The following SMG7 variants were observed in gnomAD, a reference collection of about 807,000 sequenced individuals.
SMG7 encodes SMG7 nonsense mediated mRNA decay factor.
In SMG7, 34 loss-of-function variants were observed where a neutral mutation model predicts 148.2. The observed-to-expected ratio is 0.23, with a 90% CI of 0.17 to 0.31. The LOEUF (loss-of-function observed/expected upper bound fraction) is 0.31, where lower values mean the gene tolerates loss of function less well. Ranked by LOEUF, SMG7 falls within the 10% of genes least tolerant of loss-of-function variation. The pLI is 1.00. For synonymous variants in SMG7, 492 were observed against 515.1 expected, an observed-to-expected ratio of 0.96 and a Z score of 0.61; for missense variants, 1,114 against 1,408.4, an observed-to-expected ratio of 0.79 and a Z score of 3.35.
At chr1:183,539,195 C>T (rs1056332364) in intron 12 of SMG7, among the ~76,000 whole-genome samples, 1 of 152,064 alleles carries the variant, frequency 6.6e-6, no homozygotes, top group Non-Finnish European at 1.5e-5. Context: ...GACTCCACTT[C>T]AACTCCTGAT....
intron 12 of SMG7, among the ~76,000 whole-genome samples, chr1:183,538,959 C>G (rs1339777338): frequency 6.6e-6 from 1 of 151,912 alleles, no homozygotes; most frequent in Non-Finnish European, 1.5e-5. Flanking sequence ...TCCTGGCTAA[C>G]CCGGTGAAAC....
At chr1:183,502,814 T>A (rs1229300048) in intron 1 of SMG7, among the ~76,000 whole-genome samples, 1 of 152,208 alleles carries the variant, frequency 6.6e-6, no homozygotes, top group African/African-American at 2.4e-5. Flanking sequence ...TCAGCGTGGA[T>A]GCAATCAAGC....
chr1:183,495,194 C>T lies in SMG7; in HGVS notation c.30-17643C>T, dbSNP rs1345475886. On this transcript the variant is annotated intron_variant, in intron 1 of 22. Coordinates refer to ENST00000688051, the MANE Select transcript of SMG7 (RefSeq NM_001375584.1). ...CTCTCCTTTTATCATTGTTTTTCAG[C>T]GATTTGATTAAAATGCCTTTGTGTG... Among the ~76,000 whole-genome samples, 12 of 151,994 alleles carry T rather than the reference C, an allele frequency of 7.9e-5. No individual in the cohort carries two copies. In the East Asian group the frequency reaches 2.1e-3, roughly 27 times the overall value.
chr1:183,479,329 GA>G (rs1206987052), intron 1 of SMG7, among the ~76,000 whole-genome samples: 1 of 152,120 alleles, frequency 6.6e-6, no homozygotes. Context: ...AGCATTGTAA[GA>G]CGTTCAGCAG....
At chr1:183,481,583 T>G (rs1654126606) in intron 1 of SMG7, among the ~76,000 whole-genome samples, 1 of 152,228 alleles carries the variant, frequency 6.6e-6, no homozygotes, top group Non-Finnish European at 1.5e-5. Context: ...GCAAAACATT[T>G]AGGACTATTT....
In SMG7 at chr1:183,545,052, G is replaced by A. The variant is rs754293424; in HGVS notation, c.2110G>A (p.Ala704Thr). 1 of 1,614,050 alleles carries A rather than the reference G, an allele frequency of 6.2e-7. No individual in the cohort carries two copies. The highest frequency in any genetic ancestry group is 2.2e-5 in the East Asian group (1 of 44,878). Residue 704 changes from alanine to threonine, a missense_variant, in exon 16 of 23, where the codon GCA becomes ACA. Ala to Thr is a moderately conservative substitution (Grantham distance 58, BLOSUM62 0). Around this residue, in one of 4 missense-constraint regions of SMG7, gnomAD observed 788 missense variants for 894.5 expected, o/e 0.88. Transcript: ENST00000688051. ...TCTTCAGCCTACAGCTCACTCTCCA[G>A]CAGGAAACCAGGTGCAAGCTGGGAA... ...TFLQPTAHSP[A>T]GNQVQAGKQS... is the part of the protein sequence containing the mutation.
chr1:183,474,440 T>C (rs1242894010), intron 1 of SMG7, among the ~76,000 whole-genome samples: 1 of 152,132 alleles, frequency 6.6e-6, no homozygotes, highest in Non-Finnish European at 1.5e-5. Flanking sequence ...GGTGGGCGCC[T>C]GTAATGCCGG....
intron 1 of SMG7, chr1:183,502,211 T>G: frequency 7.6e-7 from 1 of 1,312,488 alleles, no homozygotes; most frequent in Non-Finnish European, 9.9e-7. Context: ...GGTTCTCTGT[T>G]ATTGTGGGTT....
Position 183,541,154 on chromosome 1 carries a change from ACACATGCGCG to A in SMG7, c.1415+56_1415+65del, listed in dbSNP as rs749813641. 3.2e-6 allele frequency: 5 copies of A among 1,577,252 alleles called. No individual in the cohort carries two copies. In the Admixed American group the frequency reaches 5.2e-5, roughly 16 times the overall value. On this transcript the variant is annotated intron_variant, in intron 13 of 22. Transcript: ENST00000688051. Reference sequence around the variant, plus strand: ...CCTTTTTAACCACCTTTTTAGATAAACACATGCGCGCACACGCGCGCGCACACACACACAT... The same window carrying A: ...CCTTTTTAACCACCTTTTTAGATAAACACACGCGCGCGCACACACACACAT...
intron 1 of SMG7, among the ~76,000 whole-genome samples, chr1:183,491,567 A>G (rs867576019): frequency 6.6e-6 from 1 of 152,186 alleles, no homozygotes; most frequent in Non-Finnish European, 1.5e-5. Context: ...ACATATATAT[A>G]TATCTCCTAG....
chr1:183,552,182 C>A lies in SMG7; in HGVS notation c.*251C>A. 8.7e-7 allele frequency: 1 copy of A among 1,145,250 alleles called. No homozygotes were observed. The highest frequency in any genetic ancestry group is 1.1e-6 in the Non-Finnish European group (1 of 929,116). The allele number at this position is 1,145,250 out of a possible 1,614,324, so 70.9% of individuals were successfully genotyped here. A position where few individuals can be genotyped will look rare whatever the true frequency, so the allele number is the denominator to read the frequency against. ...GAGAGAGAGAGGAACTGCTGTTTAT[C>A]TCACTCAGTTACTTGGTATCACCGC... is the stretch of plus-strand genomic sequence containing the variant. On this transcript the variant is annotated 3_prime_UTR_variant, in exon 23 of 23. Coordinates refer to ENST00000688051, the MANE Select transcript of SMG7 (RefSeq NM_001375584.1).
At chr1:183,526,004 A>G (rs1665754544) in intron 4 of SMG7, among the ~76,000 whole-genome samples, 2 of 152,050 alleles carry the variant, frequency 1.3e-5, no homozygotes, top group African/African-American at 4.8e-5. Flanking sequence ...CGTGTCTGAA[A>G]ATCCTATCCA....
chr1:183,525,077 G>A (rs1457235348), intron 4 of SMG7, among the ~76,000 whole-genome samples: 2 of 152,128 alleles, frequency 1.3e-5, no homozygotes, highest in Non-Finnish European at 2.9e-5. Context: ...GACGATATTT[G>A]TAAGTAAATA....
At position 183,484,113 on chromosome 1, in the gene SMG7, A is replaced by C. The variant is rs187994547; in HGVS notation, c.29+11464A>C. Among the ~76,000 whole-genome samples, 8 of 152,254 alleles carry C rather than the reference A, an allele frequency of 5.3e-5. No homozygotes were observed. In the East Asian group the frequency reaches 1.3e-3, roughly 26 times the overall value. On this transcript the variant is annotated intron_variant, in intron 1 of 22. Coordinates refer to ENST00000688051, the MANE Select transcript of SMG7 (RefSeq NM_001375584.1). ...ATGGTAGAATTACTAGGAGAATTACATGAGAAGATAGACACAGTATAATCC... is the reference window on the plus strand; with the variant it reads ...ATGGTAGAATTACTAGGAGAATTACCTGAGAAGATAGACACAGTATAATCC...
intron 1 of SMG7, among the ~76,000 whole-genome samples, chr1:183,497,850 G>A (rs886413709): frequency 5.3e-5 from 8 of 152,254 alleles, no homozygotes; most frequent in Admixed American, 2.0e-4. Context: ...GATTACAGGC[G>A]TGAGCCACTG....
At chr1:183,549,327 T>C (rs1348042676) in intron 19 of SMG7, 39 bp downstream of exon 19, 7 of 1,357,180 alleles carry the variant, frequency 5.2e-6, no homozygotes, top group Non-Finnish European at 7.4e-6. Context: ...GTGCTTTTAG[T>C]GTAGACTGAT....
chr1:183,543,979 T>A (rs1187619747), intron 14 of SMG7, among the ~76,000 whole-genome samples: 2 of 152,202 alleles, frequency 1.3e-5, no homozygotes, highest in African/African-American at 4.8e-5. Context: ...GTATGTCGTT[T>A]AATGAATTAG....
chr1:183,534,760 G>A (rs917131593), intron 10 of SMG7, among the ~76,000 whole-genome samples: 1 of 151,934 alleles, frequency 6.6e-6, no homozygotes, highest in South Asian at 2.1e-4. Flanking sequence ...CCACCACTTC[G>A]GGAGGCTGAG....
intron 14 of SMG7, among the ~76,000 whole-genome samples, chr1:183,543,478 GA>G (rs1443539981): frequency 6.6e-6 from 1 of 150,590 alleles, no homozygotes; most frequent in Non-Finnish European, 1.5e-5. Flanking sequence ...AGATGCTAGG[GA>G]AAGGCAAGAA....
Sources: allele counts gnomAD v4.1 joint callset (sites outside exome capture counted in the v4.1 genomes callset), GRCh38; gene constraint gnomAD v4.1.1; regional missense constraint gnomAD v4.1.1; transcripts MANE v1.5; gene names NCBI Gene and HGNC (gene_info 2026-07-23, HGNC 2026-07-21).